Variants in COPA observed in about 807,000 individuals in gnomAD.
COPA encodes the protein coat protein complex I subunit alpha.
In COPA, 10 loss-of-function variants were observed where a neutral mutation model predicts 158.7. The observed-to-expected ratio is 0.06, with a 90% confidence interval of 0.04 to 0.11. COPA has a LOEUF of 0.11. Ranked by LOEUF, COPA falls within the 10% of genes least tolerant of loss-of-function variation. The pLI is 1.00. For synonymous variants in COPA, 462 were observed against 542.8 expected, an observed-to-expected ratio of 0.85 and a Z score of 2.07; for missense variants, 1,065 against 1,536.7, an observed-to-expected ratio of 0.69 and a Z score of 5.13.
At chr1:160,316,917 C>CATA (rs1201419073) in intron 8 of COPA, among the ~76,000 whole-genome samples, 11 of 152,086 alleles carry the variant, frequency 7.2e-5, no homozygotes, top group African/African-American at 2.4e-4. Context: ...CCAAGTAAGA[C>CATA]TACCCTAAGG....
At chr1:160,339,133 A>ATTTCTCCTTATTGGCCCTTC in intron 3 of COPA, among the ~76,000 whole-genome samples, 2 of 143,720 alleles carry the variant, frequency 1.4e-5, no homozygotes, top group Admixed American at 6.7e-5. Context: ...ATTGGCCCTT[A>ATTTCTCCTTATTGGCCCTTC]TTTCTCCTTA....
At chr1:160,312,428 A>G (rs1658996813) in intron 10 of COPA, among the ~76,000 whole-genome samples, 1 of 152,222 alleles carries the variant, frequency 6.6e-6, no homozygotes, top group South Asian at 2.1e-4. Context: ...ATTTACTGAA[A>G]AAATGGATGT....
chr1:160,335,109 A>G, intron 4 of COPA, 133 bp downstream of exon 4: 1 of 691,806 alleles, frequency 1.4e-6, no homozygotes, highest in Admixed American at 3.3e-5. Flanking sequence ...AGAAAGGACA[A>G]TACCACACAG....
At chr1:160,343,030 T>G (rs1648165325) in intron 1 of COPA, 101 bp downstream of exon 1, 1 of 1,415,618 alleles carries the variant, frequency 7.1e-7, no homozygotes, top group Admixed American at 1.7e-5. Flanking sequence ...GTCCGTCTGG[T>G]GGGCCCATTT....
chr1:160,312,166 A>G, intron 10 of COPA, 148 bp from the exon 11 acceptor site: 3 of 737,238 alleles, frequency 4.1e-6, no homozygotes, highest in Non-Finnish European at 6.5e-6. Flanking sequence ...CAATTCTTGG[A>G]ATCTTTATTT....
chr1:160,323,638 T>A, intron 7 of COPA, 108 bp from the exon 8 acceptor site: 1 of 788,818 alleles, frequency 1.3e-6, no homozygotes, highest in Non-Finnish European at 1.9e-6. Context: ...ATTCTTCATG[T>A]GAACAGATTC....
At chr1:160,316,500 T>C (rs1002021836) in intron 8 of COPA, among the ~76,000 whole-genome samples, 22 of 151,042 alleles carry the variant, frequency 1.5e-4, no homozygotes, top group African/African-American at 4.6e-4. Context: ...CCTGTAATCA[T>C]AGCACTTTGG....
chr1:160,332,635 T>C lies in COPA; in HGVS notation c.387-78A>G, dbSNP rs868074158. 2.5e-5 allele frequency: 24 copies of C among 976,580 alleles called. No individual in the cohort carries two copies. In the Middle Eastern group the frequency reaches 1.5e-3, roughly 63 times the overall value. 60.5% of individuals were successfully genotyped at this position (976,580 alleles called of 1,614,324 possible). On this transcript the variant is annotated intron_variant, in intron 5 of 32. Transcript: ENST00000241704. ...CCTAAACTAAATACCTTTCTCCATATTCAATAAATGCTTATCCAGTTTTAC... is the reference window on the plus strand; with the variant it reads ...CCTAAACTAAATACCTTTCTCCATACTCAATAAATGCTTATCCAGTTTTAC...
intron 13 of COPA, among the ~76,000 whole-genome samples, chr1:160,307,478 G>C (rs957718553): frequency 2.6e-5 from 4 of 152,210 alleles, no homozygotes; most frequent in Admixed American, 2.0e-4. Flanking sequence ...TAGGCCAAGT[G>C]GTTGCATTTC....
At chr1:160,312,634 T>C (rs1305604307) in intron 10 of COPA, among the ~76,000 whole-genome samples, 1 of 152,194 alleles carries the variant, frequency 6.6e-6, no homozygotes, top group East Asian at 1.9e-4. Context: ...GTTCTAACCA[T>C]GGCATAGAAG....
At chr1:160,315,630 C>T (rs544772424) in intron 8 of COPA, among the ~76,000 whole-genome samples, 20 of 152,260 alleles carry the variant, frequency 1.3e-4, no homozygotes, top group African/African-American at 4.8e-4. Context: ...TACAGATTTG[C>T]TAAGCAAATA....
chr1:160,313,219 C>T, intron 9 of COPA, 52 bp from the exon 10 acceptor site: 1 of 1,503,248 alleles, frequency 6.7e-7, no homozygotes, highest in Non-Finnish European at 9.2e-7. Context: ...AATCTTCAGC[C>T]CATCCTACAC....
intron 8 of COPA, 53 bp from the exon 9 acceptor site, chr1:160,314,178 G>A: frequency 6.4e-7 from 1 of 1,552,604 alleles, no homozygotes; most frequent in Non-Finnish European, 8.7e-7. Flanking sequence ...TATAACTTTA[G>A]GATTTGGAGA....
intron 10 of COPA, 38 bp from the exon 11 acceptor site, chr1:160,312,056 T>C (rs762971621): frequency 9.4e-6 from 15 of 1,597,374 alleles, no homozygotes; most frequent in Non-Finnish European, 1.3e-5. Context: ...AATTAAGCTG[T>C]AGGCAAGAAA....
chr1:160,342,982 C>T, intron 1 of COPA, 149 bp downstream of exon 1: 2 of 949,648 alleles, frequency 2.1e-6, no homozygotes, highest in South Asian at 1.4e-5. Flanking sequence ...AACCGCTAGC[C>T]AGGCCCAACC....
chr1:160,311,778 TGAAA>T (rs1658975603), intron 11 of COPA, 86 bp downstream of exon 11: 3 of 1,204,350 alleles, frequency 2.5e-6, no homozygotes, highest in Non-Finnish European at 3.3e-6. Flanking sequence ...AATAAATAAA[TGAAA>T]GAAAGAAAAG....
In COPA at chr1:160,293,195, G is replaced by C; in HGVS notation, c.2794C>G (p.Leu932Val). ...ATGGCTGTTTCGAAAGAGCCTGCCA[G>C]GATGTGATCAACTGGAAGCTGAGAG... ...NNSQLPVDHI[L>V]AGSFETAMRL... The change falls in exon 27 of 33, where the codon CTG becomes GTG. Residue 932 changes from leucine to valine, a missense_variant. By Grantham distance (32) the Leu-to-Val change is conservative (BLOSUM62 1). Coordinates refer to ENST00000241704, the MANE Select transcript of COPA (RefSeq NM_004371.4). The C allele has an allele frequency of 1.2e-6, 2 of 1,614,200 alleles. No homozygotes were observed. Among genetic ancestry groups the C allele is most frequent in the Non-Finnish European group, 1.7e-6 (2 of 1,180,044 alleles).
chr1:160,335,650 G>C (rs1326908191), intron 3 of COPA, among the ~76,000 whole-genome samples: 2 of 151,230 alleles, frequency 1.3e-5, no homozygotes, highest in South Asian at 4.2e-4. Flanking sequence ...TTGGGAGGTC[G>C]AGGCGGGTGG....
rs1571169823 is a variant in COPA, at chr1:160,318,488, A to C, written c.707-4363T>G. On this transcript the variant is annotated intron_variant, in intron 8 of 32. Transcript: ENST00000241704. ...ATTTGTAAAAAAAAAAAAAAAAAAAAAAACAAAAAAAAAAAAAAAACACTA... is the reference window on the plus strand; with the variant it reads ...ATTTGTAAAAAAAAAAAAAAAAAAACAAACAAAAAAAAAAAAAAAACACTA... 1.2e-4 allele frequency among the ~76,000 whole-genome samples: 8 copies of C among 66,242 alleles called. No individual in the cohort carries two copies. In the South Asian group the frequency reaches 1.7e-3, roughly 14 times the overall value. 43.5% of individuals were successfully genotyped at this position (66,242 alleles called of 152,430 possible). A position where few individuals can be genotyped will look rare whatever the true frequency, so the allele number is the denominator to read the frequency against.
Sources: allele counts gnomAD v4.1 joint callset (sites outside exome capture counted in the v4.1 genomes callset), GRCh38; gene constraint gnomAD v4.1.1; transcripts MANE v1.5; gene names NCBI Gene and HGNC (gene_info 2026-07-23, HGNC 2026-07-21).